The following NCKAP5 variants were observed in gnomAD, a reference collection of about 807,000 sequenced individuals.
NCKAP5 encodes the protein nck-associated protein 5.
A neutral mutation model predicts 167.0 loss-of-function variants in NCKAP5; 92 were observed. That is an observed-to-expected ratio of 0.55 (90% confidence interval 0.47 to 0.66). The LOEUF is 0.66. NCKAP5 is among the 30% of genes least tolerant of loss of function. The probability of loss-of-function intolerance (pLI) is 0.00; values close to 1 mark genes in which losing one functional copy is unlikely to be tolerated. For missense variants in NCKAP5, 2,378 were observed against 2,315.0 expected (o/e 1.03, Z -0.56); for synonymous variants, 891 against 877.4 (o/e 1.02, Z -0.27).
chr2:133,531,956 C>T (rs57582898), intron 2 of NCKAP5, among the ~76,000 whole-genome samples: 37,430 of 152,016 alleles, frequency 0.25, 5,975 homozygotes, highest in East Asian at 0.48. Flanking sequence ...ATCCTACCTT[C>T]TCTCCAGCAA....
At chr2:133,633,656 C>T in the NCKAP5 span, among the ~76,000 whole-genome samples, 3 of 152,164 alleles carry the variant, frequency 2.0e-5, no homozygotes, top group East Asian at 1.9e-4. Flanking sequence ...TACATCCCAA[C>T]GCTTAGAGAT....
At chr2:133,458,823 T>C (rs1384873828) in intron 3 of NCKAP5, among the ~76,000 whole-genome samples, 1 of 152,146 alleles carries the variant, frequency 6.6e-6, no homozygotes, top group Non-Finnish European at 1.5e-5. Context: ...TCTGTTTAAA[T>C]TGTTAAGTTA....
intron 2 of NCKAP5, among the ~76,000 whole-genome samples, chr2:133,555,817 A>T (rs879443289): frequency 2.6e-5 from 4 of 152,234 alleles, no homozygotes; most frequent in Non-Finnish European, 4.4e-5. Context: ...CATGAGAGAC[A>T]TGTGCCAGCA....
chr2:133,389,007 G>C (rs1314088943), intron 3 of NCKAP5, among the ~76,000 whole-genome samples: 4 of 152,208 alleles, frequency 2.6e-5, no homozygotes, highest in African/African-American at 9.7e-5. Context: ...GCCTCGCCCT[G>C]CTTTGGCTCA....
intron 4 of NCKAP5, among the ~76,000 whole-genome samples, chr2:133,245,576 C>G (rs1297373519): frequency 6.6e-6 from 1 of 151,848 alleles, no homozygotes; most frequent in Non-Finnish European, 1.5e-5. Flanking sequence ...TGTGAAAAAC[C>G]AGTATACTAA....
chr2:132,773,299 G>A (rs539550629), intron 16 of NCKAP5, among the ~76,000 whole-genome samples: 3 of 152,286 alleles, frequency 2.0e-5, no homozygotes, highest in Admixed American at 6.5e-5. Flanking sequence ...TTCCTTCAAG[G>A]TTATGTACAA....
At chr2:132,705,693 A>G (rs1228521215) in intron 19 of NCKAP5, among the ~76,000 whole-genome samples, 2 of 152,198 alleles carry the variant, frequency 1.3e-5, no homozygotes, top group African/African-American at 4.8e-5. Flanking sequence ...AATGAAAAAC[A>G]AAAAAAGGAC....
the NCKAP5 span, among the ~76,000 whole-genome samples, chr2:133,671,385 G>A: frequency 1.3e-5 from 2 of 152,170 alleles, no homozygotes; most frequent in African/African-American, 4.8e-5. Flanking sequence ...CAAAGTGGCT[G>A]TATTAAAAGG....
At chr2:133,562,642 A>G (rs567266419) in intron 1 of NCKAP5, among the ~76,000 whole-genome samples, 1 of 151,972 alleles carries the variant, frequency 6.6e-6, no homozygotes, top group East Asian at 1.9e-4. Flanking sequence ...TGGGCTTGGG[A>G]CTCTCCTCTT....
At chr2:133,142,044 A>T (rs192393832) in intron 5 of NCKAP5, among the ~76,000 whole-genome samples, 76 of 152,332 alleles carry the variant, frequency 5.0e-4, no homozygotes, top group Non-Finnish European at 7.6e-4. Flanking sequence ...AGAATTAGAG[A>T]TTGTGTTATT....
intron 16 of NCKAP5, among the ~76,000 whole-genome samples, chr2:132,732,434 TA>T (rs202143106): frequency 2.8e-4 from 42 of 151,124 alleles, no homozygotes; most frequent in African/African-American, 8.7e-4. Flanking sequence ...TAAAGTGTAA[TA>T]AAAAAAAAGA....
intron 3 of NCKAP5, among the ~76,000 whole-genome samples, chr2:133,372,375 T>C (rs992129219): frequency 1.4e-3 from 206 of 152,326 alleles, no homozygotes; most frequent in African/African-American, 4.7e-3. Flanking sequence ...TTTTATCCCA[T>C]GGGAAAAATA....
intron 5 of NCKAP5, among the ~76,000 whole-genome samples, chr2:133,198,235 C>T (rs2085524607): frequency 6.6e-6 from 1 of 152,012 alleles, no homozygotes; most frequent in African/African-American, 2.4e-5. Context: ...AAGTGTGGTG[C>T]AAACATACAT....
In NCKAP5 at chr2:132,783,990, C is replaced by A; in HGVS notation, c.2821G>T (p.Ala941Ser). The A allele has an allele frequency of 1.3e-6, 2 of 1,592,652 alleles. No homozygotes were observed. Among genetic ancestry groups the A allele is most frequent in the South Asian group, 2.3e-5 (2 of 87,636 alleles). ...GGTGAATAGTCATAGCTGGGCCTGG[C>A]CAGCAGGGAGACGGACCTGCCTGGA... ...PPPGRSVSLL[A>S]RPSYDYSPAP... Residue 941 changes from alanine to serine, a missense_variant, in exon 14 of 20, where the codon GCC (alanine) becomes TCC (serine). By Grantham distance (99) the Ala-to-Ser change is moderately conservative. Coordinates refer to ENST00000409261, the MANE Select transcript of NCKAP5 (RefSeq NM_207363.3).
At chr2:133,477,469 A>G (rs952847598) in intron 3 of NCKAP5, among the ~76,000 whole-genome samples, 3 of 152,186 alleles carry the variant, frequency 2.0e-5, no homozygotes, top group East Asian at 1.9e-4. Flanking sequence ...TAGTTACAAG[A>G]CAGCCTCCTT....
intron 3 of NCKAP5, among the ~76,000 whole-genome samples, chr2:133,425,862 C>A (rs1418107955): frequency 6.6e-6 from 1 of 152,166 alleles, no homozygotes. Context: ...AATAATTATG[C>A]ATGTGGCCAC....
At chr2:133,533,803 C>T (rs1685545690) in intron 2 of NCKAP5, among the ~76,000 whole-genome samples, 1 of 152,104 alleles carries the variant, frequency 6.6e-6, no homozygotes, top group Non-Finnish European at 1.5e-5. Flanking sequence ...TCATATATGA[C>T]ATTGCAGCCC....
intron 3 of NCKAP5, among the ~76,000 whole-genome samples, chr2:133,441,064 A>G (rs1690817911): frequency 6.9e-6 from 1 of 144,420 alleles, no homozygotes; most frequent in Non-Finnish European, 1.5e-5. Flanking sequence ...TTATTCTGAG[A>G]CAGCTCTCAC....
intron 5 of NCKAP5, among the ~76,000 whole-genome samples, chr2:133,133,814 G>C (rs544729715): frequency 6.6e-6 from 1 of 152,182 alleles, no homozygotes; most frequent in Non-Finnish European, 1.5e-5. Context: ...TCCATCTAAA[G>C]ATAAGTGCAG....
Sources: gnomAD v4.1 joint callset for allele counts (sites outside exome capture counted in the v4.1 genomes callset) on GRCh38, gnomAD v4.1.1 for gene constraint, MANE v1.5 for transcripts, NCBI Gene and HGNC (gene_info 2026-07-23, HGNC 2026-07-21) for gene names.